BRSK2: variants seen among roughly 807,000 people sequenced by gnomAD.
BRSK2 encodes BR serine/threonine kinase 2, also known as serine/threonine-protein kinase BRSK2.
BRSK2 carries 19 observed loss-of-function variants against 83.3 expected under a neutral mutation model. The ratio of observed to expected loss-of-function variants is 0.23; its 90% CI spans 0.16 to 0.33. BRSK2 has a LOEUF of 0.33. Among genes scored for constraint, BRSK2 ranks in the 10% least tolerant of loss-of-function variants. The pLI is 1.00. For synonymous variants in BRSK2, 519 were observed against 435.4 expected, an observed-to-expected ratio of 1.19 and a Z score of -2.39; for missense variants, 798 against 1,042.3, an observed-to-expected ratio of 0.77 and a Z score of 3.23.
intron 18 of BRSK2, 108 bp from the exon 19 acceptor site, chr11:1,459,084 C>G: frequency 1.8e-6 from 2 of 1,135,612 alleles, no homozygotes; most frequent in Non-Finnish European, 2.6e-6. Flanking sequence ...GGGGCCCTAC[C>G]CACTCCTGGC....
intron 1 of BRSK2, among the ~76,000 whole-genome samples, chr11:1,399,806 C>T (rs1846355083): frequency 6.6e-6 from 1 of 152,316 alleles, no homozygotes; most frequent in African/African-American, 2.4e-5. Context: ...CAGCCTCCTT[C>T]TTCCTTGGCA....
intron 1 of BRSK2, among the ~76,000 whole-genome samples, chr11:1,391,066 G>C (rs1845696520): frequency 6.6e-6 from 1 of 152,226 alleles, no homozygotes; most frequent in Non-Finnish European, 1.5e-5. Flanking sequence ...GGGGCTTCCC[G>C]GTGGGGCCTG....
intron 2 of BRSK2, among the ~76,000 whole-genome samples, chr11:1,436,431 G>A (rs1394855236): frequency 2.0e-5 from 3 of 152,190 alleles, no homozygotes; most frequent in African/African-American, 7.2e-5. Flanking sequence ...TAGCAGGCGG[G>A]GCTTCAGTGT....
rs1847742764 is a variant in BRSK2 at position 1,413,243 on chromosome 11, C to T, written c.92-22797C>T. 2.0e-5 allele frequency among the ~76,000 whole-genome samples: 3 copies of T among 152,118 alleles called. 1 individual carries two copies. The highest frequency in any genetic ancestry group is 3.9e-4 in the East Asian group (2 of 5,178). On this transcript the variant is annotated intron_variant, in intron 1 of 19. Transcript: ENST00000528841. ...CCCTGGGGACGGCCCCTCGGGACACCCCCTCAGGTGTGGTGTGCCCTGACC... is the reference window on the plus strand; with the variant it reads ...CCCTGGGGACGGCCCCTCGGGACACTCCCTCAGGTGTGGTGTGCCCTGACC...
chr11:1,398,428 C>T (rs934292225), intron 1 of BRSK2, among the ~76,000 whole-genome samples: 6 of 152,128 alleles, frequency 3.9e-5, no homozygotes, highest in Non-Finnish European at 8.8e-5. Flanking sequence ...GTACCCGCCC[C>T]GGGAAGGGTG....
intron 12 of BRSK2, chr11:1,447,783 T>C: frequency 6.3e-7 from 1 of 1,595,284 alleles, no homozygotes; most frequent in Non-Finnish European, 8.5e-7. Context: ...GTTTTCTCGC[T>C]CTGTTCTGCT....
At chr11:1,442,344 A>G (rs988474713) in intron 4 of BRSK2, 146 bp from the exon 5 acceptor site, 16 of 613,912 alleles carry the variant, frequency 2.6e-5, no homozygotes, top group African/African-American at 1.8e-4. Context: ...TTGGCTGCCT[A>G]TGACATCACC....
chr11:1,442,624 C>T lies in BRSK2; in HGVS notation c.530+18C>T, dbSNP rs2133087657. 1.3e-6 allele frequency: 2 copies of T among 1,582,504 alleles called. No homozygotes were observed. The highest frequency in any genetic ancestry group is 1.7e-6 in the Non-Finnish European group (2 of 1,152,910). On this transcript the variant is annotated intron_variant, in intron 5 of 19. Transcript: ENST00000528841. ...AGCTGTGGGTACGTGGCCCTCTGCC[C>T]TGGAGAGAGGCTGGGGGACAGGCTG...
intron 12 of BRSK2, among the ~76,000 whole-genome samples, chr11:1,447,580 G>A (rs1852323933): frequency 6.6e-6 from 1 of 152,204 alleles, no homozygotes; most frequent in Admixed American, 6.5e-5. Flanking sequence ...GGGGACGCAG[G>A]GGTCCTGGGG....
intron 1 of BRSK2, 135 bp from the exon 2 acceptor site, chr11:1,435,905 G>C (rs1590511749): frequency 1.6e-6 from 1 of 616,920 alleles, no homozygotes; most frequent in Admixed American, 3.2e-5. Flanking sequence ...AGGCGGGCAG[G>C]GGCCTCCGGC....
At chr11:1,444,414 C>T (rs895053888) in intron 8 of BRSK2, among the ~76,000 whole-genome samples, 7 of 152,158 alleles carry the variant, frequency 4.6e-5, no homozygotes, top group African/African-American at 1.2e-4. Context: ...TCACACCCCA[C>T]GAGCTGTCCC....
At chr11:1,459,773 C>T (rs1027483114) in intron 19 of BRSK2, among the ~76,000 whole-genome samples, 5 of 152,200 alleles carry the variant, frequency 3.3e-5, no homozygotes, top group Non-Finnish European at 5.9e-5. Flanking sequence ...CCCAGGGACC[C>T]GGGACATGAC....
intron 1 of BRSK2, among the ~76,000 whole-genome samples, chr11:1,397,808 G>C (rs1287760802): frequency 1.3e-5 from 2 of 152,196 alleles, no homozygotes; most frequent in Admixed American, 6.5e-5. Context: ...ACTGGCTGAG[G>C]GGAATGGACA....
chr11:1,443,184 C>CT, intron 6 of BRSK2, 45 bp downstream of exon 6: 1 of 1,532,540 alleles, frequency 6.5e-7, no homozygotes, highest in Non-Finnish European at 8.7e-7. Flanking sequence ...CCCAGGGTGG[C>CT]GGGGACCTGA....
intron 1 of BRSK2, among the ~76,000 whole-genome samples, chr11:1,398,120 G>A (rs1284428463): frequency 1.3e-5 from 2 of 152,198 alleles, no homozygotes; most frequent in Non-Finnish European, 2.9e-5. Context: ...CAGGAATGTC[G>A]CCTCTGCGGG....
At chr11:1,450,864 C>T in intron 14 of BRSK2, 70 bp downstream of exon 14, 1 of 1,414,910 alleles carries the variant, frequency 7.1e-7, no homozygotes, top group Non-Finnish European at 9.5e-7. Flanking sequence ...GAGGGCCCCG[C>T]CCGGCAGTGC....
In BRSK2 at chr11:1,410,849, G is replaced by A. The variant is rs147757439; in HGVS notation, c.91+20474G>A. On this transcript the variant is annotated intron_variant, in intron 1 of 19. Coordinates refer to ENST00000528841, the MANE Select transcript of BRSK2 (RefSeq NM_001256627.2). ...CACCACCGAGACCACTGTGGCCTGAGGAGGAGCTTCAGCAGCCACTTGGTA... is the reference window on the plus strand; with the variant it reads ...CACCACCGAGACCACTGTGGCCTGAAGAGGAGCTTCAGCAGCCACTTGGTA... 1.2e-3 allele frequency: 1,214 copies of A among 985,540 alleles called. 15 individuals carry two copies. The African/African-American group carries it at 0.02, about 16-fold the overall frequency. The allele number at this position is 985,540 out of a possible 1,614,324, so 61.0% of individuals were successfully genotyped here.
chr11:1,436,250 G>GGGGGC, intron 2 of BRSK2, 116 bp downstream of exon 2: 1 of 168,876 alleles, frequency 5.9e-6, no homozygotes, highest in Non-Finnish European at 9.5e-6. Flanking sequence ...GGGGGGGCGG[G>GGGGGC]CCCTGCAGGC....
intron 1 of BRSK2, among the ~76,000 whole-genome samples, chr11:1,422,467 G>T (rs895886162): frequency 1.3e-5 from 2 of 152,154 alleles, no homozygotes; most frequent in Non-Finnish European, 1.5e-5. Flanking sequence ...AGGCTCTGCG[G>T]TGGGCCCTGG....
Sources: allele counts gnomAD v4.1 joint callset (sites outside exome capture counted in the v4.1 genomes callset), GRCh38; gene constraint gnomAD v4.1.1; transcripts MANE v1.5; gene names NCBI Gene and HGNC (gene_info 2026-07-23, HGNC 2026-07-21).